NKX2-6: variants seen among roughly 807,000 people sequenced by gnomAD.
NKX2-6 encodes the protein homeobox protein Nkx-2.6.
A neutral mutation model predicts 8.6 loss-of-function variants in NKX2-6; 8 were observed. That is an observed-to-expected ratio of 0.93 (90% CI 0.54 to 1.67). The LOEUF (loss-of-function observed/expected upper bound fraction) is 1.67. NKX2-6 is among the 40% of genes most tolerant of loss of function. The pLI, the probability that NKX2-6 is intolerant of heterozygous loss-of-function variation, is 0.00. For missense variants in NKX2-6, 475 were observed against 423.1 expected (o/e 1.12, Z -1.08); for synonymous variants, 210 against 199.3 (o/e 1.05, Z -0.45).
chr8:23,704,096 G>T (rs374247230), intron 1 of NKX2-6, among the ~76,000 whole-genome samples: 1 of 152,156 alleles, frequency 6.6e-6, no homozygotes, highest in South Asian at 2.1e-4. Context: ...TCTTTTTGAC[G>T]CAGCGCTCCA....
Position 23,702,762 on chromosome 8 carries a change from C to A in NKX2-6, c.595G>T (p.Ala199Ser), listed in dbSNP as rs1290495969. 9 of 1,553,898 alleles carry A rather than the reference C, an allele frequency of 5.8e-6. No individual in the cohort carries two copies. The South Asian group carries it at 1.1e-4, about 18-fold the overall frequency. Residue 199 changes from alanine (A) to serine (S), a missense_variant, in exon 2 of 2, where the codon GCT becomes TCT. By Grantham distance (99) the Ala-to-Ser change is moderately conservative. Transcript: ENST00000325017. Reference protein sequence around the residue: ...RQRQDKSLELAGHPLTPRRVA... With the variant: ...RQRQDKSLELSGHPLTPRRVA... ...CGGCGCGGCGTTAGAGGGTGGCCAG[C>A]CAGTTCCAGCGACTTGTCCTGGCGC...
At chr8:23,704,142 T>A (rs1801055763) in intron 1 of NKX2-6, among the ~76,000 whole-genome samples, 1 of 152,228 alleles carries the variant, frequency 6.6e-6, no homozygotes, top group Non-Finnish European at 1.5e-5. Flanking sequence ...TTCTTGGATG[T>A]GATGCTTTGT....
At chr8:23,704,949 G>A (rs1801067011) in intron 1 of NKX2-6, among the ~76,000 whole-genome samples, 1 of 152,206 alleles carries the variant, frequency 6.6e-6, no homozygotes, top group South Asian at 2.1e-4. Context: ...CCCACCGAAG[G>A]TGTCTTCCCT....
chr8:23,703,098 G>A lies in NKX2-6; in HGVS notation c.275-16C>T. 6.5e-7 allele frequency: 1 copy of A among 1,537,186 alleles called. No individual in the cohort carries two copies. The highest frequency in any genetic ancestry group is 8.7e-7 in the Non-Finnish European group (1 of 1,145,454). On this transcript the variant is annotated splice_polypyrimidine_tract_variant and intron_variant, in intron 1 of 1. Coordinates refer to ENST00000325017, the MANE Select transcript of NKX2-6 (RefSeq NM_001136271.3). ...AGGCCGGGCTCTAAAAGCACAGGAA[G>A]GGACACATCAGCGCCCAGCCTAAGG...
intron 1 of NKX2-6, among the ~76,000 whole-genome samples, chr8:23,704,359 C>T (rs947736401): frequency 6.6e-6 from 1 of 152,098 alleles, no homozygotes; most frequent in East Asian, 1.9e-4. Context: ...CAGGGCGACC[C>T]CTACAGCTGA....
At chr8:23,703,379 G>A (rs1432634550) in intron 1 of NKX2-6, among the ~76,000 whole-genome samples, 1 of 152,202 alleles carries the variant, frequency 6.6e-6, no homozygotes, top group African/African-American at 2.4e-5. Context: ...AAAGAGTTAA[G>A]GCAGCTCCAT....
chr8:23,703,266 C>T (rs866229267), intron 1 of NKX2-6, among the ~76,000 whole-genome samples, 184 bp from the exon 2 acceptor site: 2 of 152,352 alleles, frequency 1.3e-5, no homozygotes, highest in South Asian at 2.1e-4. Flanking sequence ...CATGTTTTTT[C>T]CCTCCAAGCT....
chr8:23,702,437 C>A lies in NKX2-6; in HGVS notation c.*14G>T. On this transcript the variant is annotated 3_prime_UTR_variant, in exon 2 of 2. Coordinates refer to ENST00000325017, the MANE Select transcript of NKX2-6 (RefSeq NM_001136271.3). The stretch of plus-strand genomic sequence containing the variant: ...AGCATCTGGCCCTGGTTGGCAGAGT[C>A]AAGCCGAGGAGCCTCACCAGGCCCT... 6.9e-7 allele frequency: 1 copy of A among 1,442,214 alleles called. No homozygotes were observed. The highest frequency in any genetic ancestry group is 2.5e-5 in the East Asian group (1 of 39,598). The allele number at this position is 1,442,214 out of a possible 1,614,324, so 89.3% of individuals were successfully genotyped here.
At position 23,702,401 on chromosome 8, in the gene NKX2-6, G is replaced by C; in HGVS notation, c.*50C>G. The C allele has an allele frequency of 7.1e-7, 1 of 1,416,386 alleles. No individual in the cohort carries two copies. The highest frequency in any genetic ancestry group is 1.4e-5 in the African/African-American group (1 of 69,092). 87.7% of individuals were successfully genotyped at this position (1,416,386 alleles called of 1,614,324 possible). The stretch of plus-strand genomic sequence containing the variant: ...CCTTGTCACGACCTGCGGGCGGAGG[G>C]GAAGGGAACGAGCATCTGGCCCTGG... On this transcript the variant is annotated 3_prime_UTR_variant, in exon 2 of 2. Transcript: ENST00000325017.
Position 23,706,605 on chromosome 8 carries a change from G to A in NKX2-6, c.-7C>T, listed in dbSNP as rs1270074359. On this transcript the variant is annotated 5_prime_UTR_variant, in exon 1 of 2. Coordinates refer to ENST00000325017, the MANE Select transcript of NKX2-6 (RefSeq NM_001136271.3). ...TGACGGGGCTCAGCAGCATCCCGAAGGCGGATGGGGCGGGGCCGAGGAGGT... is the reference window on the plus strand; with the variant it reads ...TGACGGGGCTCAGCAGCATCCCGAAAGCGGATGGGGCGGGGCCGAGGAGGT... 3 of 1,533,132 alleles carry A rather than the reference G, an allele frequency of 2.0e-6. No homozygotes were observed. Among genetic ancestry groups the A allele is most frequent in the Non-Finnish European group, 2.6e-6 (3 of 1,145,146 alleles). 95.0% of individuals were successfully genotyped at this position (1,533,132 alleles called of 1,614,324 possible). A position where few individuals can be genotyped will look rare whatever the true frequency, so the allele number is the denominator to read the frequency against.
chr8:23,702,334 A>C lies in NKX2-6; in HGVS notation c.*117T>G. 1 of 1,169,288 alleles carries C rather than the reference A, an allele frequency of 8.6e-7. No individual in the cohort carries two copies. Among genetic ancestry groups the C allele is most frequent in the African/African-American group, 1.6e-5 (1 of 64,272 alleles). 72.4% of individuals were successfully genotyped at this position (1,169,288 alleles called of 1,614,324 possible). ...AGTTTCAGAGATCCCTCCGGAAAGA[A>C]GCGCCGTTGGGTAGCAGCTTCCTTC... On this transcript the variant is annotated 3_prime_UTR_variant, in exon 2 of 2. Coordinates refer to ENST00000325017, the MANE Select transcript of NKX2-6 (RefSeq NM_001136271.3).
rs1180014883 is a variant in NKX2-6 at position 23,703,092 on chromosome 8, C to A, written c.275-10G>T. On this transcript the variant is annotated splice_polypyrimidine_tract_variant and intron_variant, in intron 1 of 1. Coordinates refer to ENST00000325017, the MANE Select transcript of NKX2-6 (RefSeq NM_001136271.3). Reference sequence around the variant, plus strand: ...GCGTTCAGGCCGGGCTCTAAAAGCACAGGAAGGGACACATCAGCGCCCAGC... The same window carrying A: ...GCGTTCAGGCCGGGCTCTAAAAGCAAAGGAAGGGACACATCAGCGCCCAGC... 6.5e-7 allele frequency: 1 copy of A among 1,538,088 alleles called. No homozygotes were observed. The highest frequency in any genetic ancestry group is 8.7e-7 in the Non-Finnish European group (1 of 1,145,680).
In NKX2-6 at chr8:23,702,588, C is replaced by G. The variant is rs965244578; in HGVS notation, c.769G>C (p.Gly257Arg). The change falls in exon 2 of 2, where the codon GGC becomes CGC. Residue 257 changes from glycine to arginine, a missense_variant. By Grantham distance (125) the Gly-to-Arg change is moderately radical (BLOSUM62 -2). Transcript: ENST00000325017. ...GAGGGCGCGCCCGCGTAGCAGGTGC[C>G]GTAGCCTGCGCCGTAGGGTGCTCCG... The part of the protein sequence containing the change: ...YSGAPYGAGY[G>R]TCYAGAPSGP... 14 of 1,545,570 alleles carry G rather than the reference C, an allele frequency of 9.1e-6. No individual in the cohort carries two copies. The highest frequency in any genetic ancestry group is 1.4e-5 in the African/African-American group (1 of 73,000).
At position 23,702,724 on chromosome 8, in the gene NKX2-6, G is replaced by T. The variant is rs758135138; in HGVS notation, c.633C>A (p.Pro211=). 1 of 1,551,610 alleles carries T rather than the reference G, an allele frequency of 6.4e-7. No homozygotes were observed. The highest frequency in any genetic ancestry group is 1.2e-5 in the South Asian group (1 of 84,070). ...HPLTPRRVAV[P]VLVRDGKPCL... The stretch of plus-strand genomic sequence containing the variant: ...AGGGCTTGCCATCGCGCACCAGGAC[G>T]GGCACAGCTACTCGGCGCGGCGTTA... Residue 211 remains proline (P), a synonymous_variant, in exon 2 of 2, where the codon CCC becomes CCA. Coordinates refer to ENST00000325017, the MANE Select transcript of NKX2-6 (RefSeq NM_001136271.3).
In NKX2-6 at chr8:23,703,076, C is replaced by A. The variant is rs1801035668; in HGVS notation, c.281G>T (p.Gly94Val). The part of the protein sequence containing the change: ...DAERMGEPQP[G>V]LNAASPLGGG... ...GCCGAGGGGCGAGGCCGCGTTCAGG[C>A]CGGGCTCTAAAAGCACAGGAAGGGA... The change falls in exon 2 of 2, where the codon GGC becomes GTC. Residue 94 changes from glycine to valine, a missense_variant. Coordinates refer to ENST00000325017, the MANE Select transcript of NKX2-6 (RefSeq NM_001136271.3). 2 of 1,539,770 alleles carry A rather than the reference C, an allele frequency of 1.3e-6. No individual in the cohort carries two copies. The highest frequency in any genetic ancestry group is 1.7e-6 in the Non-Finnish European group (2 of 1,146,122).
chr8:23,706,369 C>A lies in NKX2-6; in HGVS notation c.230G>T (p.Cys77Phe), dbSNP rs1317324934. 1 of 1,551,382 alleles carries A rather than the reference C, an allele frequency of 6.4e-7. No homozygotes were observed. The highest frequency in any genetic ancestry group is 1.4e-5 in the African/African-American group (1 of 73,024). ...CGCGTCCATCTCCAAGACTGCCTCA[C>A]AGGGACCCCCAGGAGGCTCCGAACC... ...LDGSEPPGGP[C>F]EAVLEMDAER... The change falls in exon 1 of 2, where the codon TGT becomes TTT. Residue 77 changes from cysteine (C) to phenylalanine (F), a missense_variant. Cys to Phe is a radical substitution (Grantham distance 205). Transcript: ENST00000325017.
chr8:23,705,185 G>A (rs901933241), intron 1 of NKX2-6, among the ~76,000 whole-genome samples: 1 of 152,378 alleles, frequency 6.6e-6, no homozygotes, highest in African/African-American at 2.4e-5. Flanking sequence ...AGTGATCGCC[G>A]AGTTGGCTGA....
At position 23,702,723 on chromosome 8, in the gene NKX2-6, C is replaced by A. The variant is rs1401574470; in HGVS notation, c.634G>T (p.Val212Phe). Reference sequence around the variant, plus strand: ...CAGGGCTTGCCATCGCGCACCAGGACGGGCACAGCTACTCGGCGCGGCGTT... The same window carrying A: ...CAGGGCTTGCCATCGCGCACCAGGAAGGGCACAGCTACTCGGCGCGGCGTT... ...PLTPRRVAVP[V>F]LVRDGKPCLG... Residue 212 changes from valine (V) to phenylalanine (F), a missense_variant, in exon 2 of 2, where the codon GTC becomes TTC. Transcript: ENST00000325017. 2.6e-6 allele frequency: 4 copies of A among 1,551,598 alleles called. No individual in the cohort carries two copies. The South Asian group carries it at 4.8e-5, about 18-fold the overall frequency.
chr8:23,701,830 A>G lies in NKX2-6; in HGVS notation c.*621T>C, dbSNP rs550894652. ...GGACCAGAATGTAGAGCCTACTTCC[A>G]GGAGAGCAGTCGTGGCCAGAAAAGA... On this transcript the variant is annotated 3_prime_UTR_variant, in exon 2 of 2. Coordinates refer to ENST00000325017, the MANE Select transcript of NKX2-6 (RefSeq NM_001136271.3). 2.0e-5 allele frequency among the ~76,000 whole-genome samples: 3 copies of G among 152,204 alleles called. No homozygotes were observed. Among genetic ancestry groups the G allele is most frequent in the African/African-American group, 7.2e-5 (3 of 41,434 alleles).
Sources: gnomAD v4.1 joint callset for allele counts (sites outside exome capture counted in the v4.1 genomes callset) on GRCh38, gnomAD v4.1.1 for gene constraint, MANE v1.5 for transcripts, NCBI Gene and HGNC (gene_info 2026-07-23, HGNC 2026-07-21) for gene names.